XPO5: variants seen among roughly 807,000 people sequenced by gnomAD.
XPO5 encodes exportin-5.
In XPO5, 46 loss-of-function variants were observed where a neutral mutation model predicts 160.6. The observed-to-expected ratio is 0.29, with a 90% CI of 0.23 to 0.37. The LOEUF (loss-of-function observed/expected upper bound fraction) is 0.37, where lower values mean the gene tolerates loss of function less well. Among genes scored for constraint, XPO5 ranks in the 10% least tolerant of loss-of-function variants. The probability of loss-of-function intolerance (pLI) is 1.00; values close to 1 mark genes in which losing one functional copy is unlikely to be tolerated. For missense variants in XPO5, 1,090 were observed against 1,463.9 expected (o/e 0.74, Z 4.17); for synonymous variants, 537 against 519.3 (o/e 1.03, Z -0.46).
At chr6:43,554,720 G>A (rs1761951335) in intron 13 of XPO5, among the ~76,000 whole-genome samples, 1 of 152,122 alleles carries the variant, frequency 6.6e-6, no homozygotes, top group Non-Finnish European at 1.5e-5. Context: ...ACCCTGCCTG[G>A]CCTAAGATTT....
At chr6:43,524,741 G>T in intron 30 of XPO5, 90 bp downstream of exon 30, 1 of 1,586,838 alleles carries the variant, frequency 6.3e-7, no homozygotes, top group Non-Finnish European at 8.6e-7. Context: ...AATTTGGCAG[G>T]TGCCTGAATT....
Position 43,538,950 on chromosome 6 carries a change from T to A in XPO5, c.2343-4943A>T. 2.2e-6 allele frequency: 3 copies of A among 1,347,318 alleles called. No individual in the cohort carries two copies. The South Asian group carries it at 3.5e-5, about 16-fold the overall frequency. 83.5% of individuals were successfully genotyped at this position (1,347,318 alleles called of 1,614,324 possible). A position where few individuals can be genotyped will look rare whatever the true frequency, so the allele number is the denominator to read the frequency against. ...ACAGTCTCCTTCCAGAGGTCGGGGG[T>A]CAGGTAGCTGTAGGTCTTAGAAATG... On this transcript the variant is annotated intron_variant, in intron 20 of 31. Coordinates refer to ENST00000265351, the MANE Select transcript of XPO5 (RefSeq NM_020750.3).
chr6:43,526,626 G>A (rs962207613), intron 27 of XPO5, 59 bp downstream of exon 27: 1 of 1,593,754 alleles, frequency 6.3e-7, no homozygotes, highest in African/African-American at 1.3e-5. Context: ...ACCTGGTTCA[G>A]AAGGAACAGT....
intron 20 of XPO5, among the ~76,000 whole-genome samples, chr6:43,537,996 A>T (rs547724496): frequency 1.3e-3 from 193 of 148,934 alleles, no homozygotes; most frequent in Non-Finnish European, 2.3e-3. Context: ...GAGGCAGGAG[A>T]ATTGCTTGAT....
chr6:43,526,522 T>G (rs1582193485), intron 27 of XPO5, 163 bp downstream of exon 27: 1 of 704,056 alleles, frequency 1.4e-6, no homozygotes, highest in Non-Finnish European at 2.5e-6. Context: ...GGCTTGGAGG[T>G]GGGAGTATGA....
At chr6:43,558,436 A>G (rs1762230978) in intron 12 of XPO5, 65 bp downstream of exon 12, 2 of 1,411,510 alleles carry the variant, frequency 1.4e-6, no homozygotes, top group Non-Finnish European at 1.9e-6. Context: ...ACCATGCACC[A>G]TGATTCATAA....
At chr6:43,533,885 G>GA (rs1794156131) in intron 21 of XPO5, 22 bp downstream of exon 21, 3 of 1,553,574 alleles carry the variant, frequency 1.9e-6, no homozygotes, top group Non-Finnish European at 2.6e-6. Context: ...AACCTTAGGA[G>GA]AAAAAAGGTT....
chr6:43,570,932 CACT>C lies in XPO5; in HGVS notation c.360_362del (p.Val121del). ...GTGGCCACTCTCGCTTGATCATTTC[CACT>C]ACAATTCGAGACAGAGCATCTTTAA... On this transcript the variant is annotated inframe_deletion, in exon 4 of 32. Coordinates refer to ENST00000265351, the MANE Select transcript of XPO5 (RefSeq NM_020750.3). 1 of 1,613,770 alleles carries C rather than the reference CACT, an allele frequency of 6.2e-7. No homozygotes were observed. Among genetic ancestry groups the C allele is most frequent in the Non-Finnish European group, 8.5e-7 (1 of 1,179,838 alleles).
chr6:43,558,407 T>C, intron 12 of XPO5, 94 bp downstream of exon 12: 1 of 1,171,334 alleles, frequency 8.5e-7, no homozygotes, highest in South Asian at 1.6e-5. Context: ...TTTGGGGATC[T>C]TTCGTAAAAA....
chr6:43,546,540 A>G (rs773318632), intron 20 of XPO5, 31 bp downstream of exon 20: 3 of 1,577,170 alleles, frequency 1.9e-6, no homozygotes, highest in Non-Finnish European at 2.6e-6. Context: ...AAAGTAGAAA[A>G]CAACAGAGAA....
chr6:43,529,018 A>G, intron 23 of XPO5, 93 bp from the exon 24 acceptor site: 1 of 1,248,324 alleles, frequency 8.0e-7, no homozygotes, highest in Non-Finnish European at 1.1e-6. Flanking sequence ...TCAATCCCTA[A>G]AGGATTTGCC....
At chr6:43,528,126 A>G in intron 25 of XPO5, 33 bp downstream of exon 25, 1 of 1,573,818 alleles carries the variant, frequency 6.4e-7, no homozygotes, top group Non-Finnish European at 8.6e-7. Flanking sequence ...CTGCCAGTTC[A>G]TCCACCAAGA....
chr6:43,525,023 ACC>A, intron 29 of XPO5, 55 bp from the exon 30 acceptor site: 1 of 1,595,768 alleles, frequency 6.3e-7, no homozygotes, highest in East Asian at 2.3e-5. Context: ...AGGCCTCAGC[ACC>A]CCAGTTCTTC....
chr6:43,553,578 C>G, intron 13 of XPO5, 75 bp from the exon 14 acceptor site: 1 of 1,500,342 alleles, frequency 6.7e-7, no homozygotes, highest in Non-Finnish European at 8.9e-7. Flanking sequence ...TCGCAGAAGA[C>G]ACAGAGAGAC....
At chr6:43,547,036 A>C (rs1794998446) in intron 19 of XPO5, among the ~76,000 whole-genome samples, 1 of 152,190 alleles carries the variant, frequency 6.6e-6, no homozygotes, top group Non-Finnish European at 1.5e-5. Flanking sequence ...CCTGATGAGA[A>C]GGTGGCTTAG....
At chr6:43,552,460 C>T (rs1795278907) in intron 14 of XPO5, among the ~76,000 whole-genome samples, 1 of 152,162 alleles carries the variant, frequency 6.6e-6, no homozygotes, top group Non-Finnish European at 1.5e-5. Context: ...TCAAGCGATT[C>T]CTGTACCTCA....
intron 20 of XPO5, among the ~76,000 whole-genome samples, chr6:43,542,581 T>C (rs1260565557): frequency 1.3e-5 from 2 of 151,938 alleles, no homozygotes; most frequent in African/African-American, 4.8e-5. Context: ...AGCTAATTTT[T>C]TTTGTTGGTG....
chr6:43,534,385 G>A (rs1043131626), intron 20 of XPO5, among the ~76,000 whole-genome samples: 1 of 152,182 alleles, frequency 6.6e-6, no homozygotes, highest in Non-Finnish European at 1.5e-5. Flanking sequence ...GAACACAGAG[G>A]AGGTGGTAAT....
At chr6:43,557,751 T>A (rs964062343) in intron 12 of XPO5, among the ~76,000 whole-genome samples, 1 of 137,986 alleles carries the variant, frequency 7.2e-6, no homozygotes, top group Admixed American at 7.9e-5. Flanking sequence ...GGGTGAACTG[T>A]ATGGTAAATG....
Sources: gnomAD v4.1 joint callset for allele counts (sites outside exome capture counted in the v4.1 genomes callset) on GRCh38, gnomAD v4.1.1 for gene constraint, MANE v1.5 for transcripts, NCBI Gene and HGNC (gene_info 2026-07-23, HGNC 2026-07-21) for gene names.